Variants in HEPH observed in about 807,000 individuals in gnomAD.
The protein encoded by HEPH is hephaestin.
Under a neutral mutation model 80.8 loss-of-function variants are expected in HEPH, and 69 were observed. The ratio of observed to expected loss-of-function variants is 0.85; its 90% CI spans 0.70 to 1.04. HEPH has a LOEUF of 1.04. Ranked by LOEUF, HEPH falls within the 50% of genes least tolerant of loss-of-function variation. The pLI is 0.00. For synonymous variants in HEPH, 431 were observed against 322.8 expected (o/e 1.34, Z -3.60); for missense variants, 1,115 against 891.3 (o/e 1.25, Z -3.20).
intron 15 of HEPH, among the ~76,000 whole-genome samples, chrX:66,223,836 A>C (rs2089760189): frequency 9.0e-6 from 1 of 111,719 alleles, no homozygotes; most frequent in African/African-American, 3.2e-5. Flanking sequence ...TTGCACATAA[A>C]CTTTTTTTTT....
intron 20 of HEPH, among the ~76,000 whole-genome samples, chrX:66,263,912 G>A (rs1434930358): frequency 1.8e-5 from 2 of 110,783 alleles, no homozygotes; most frequent in Admixed American, 9.7e-5. Context: ...TCCTGAGTTG[G>A]GGAAAACAGC....
In HEPH at chrX:66,258,978, G is replaced by A. The variant is rs774373245; in HGVS notation, c.3035G>A (p.Arg1012Gln). ...TTTCATGCAGAGAGCTTCCTCTATC[G>A]GGTGAGCTGGAAAATGGGCTGAGTC... is the stretch of plus-strand genomic sequence containing the variant. The part of the protein sequence containing the change: ...IHFHAESFLY[R>Q]NGENYRADVV... Residue 1012 changes from arginine to glutamine, a missense_variant and splice_region_variant, in exon 18 of 21, where the codon CGG becomes CAG. Arg to Gln is a conservative substitution (Grantham distance 43). Coordinates refer to ENST00000343002, the MANE Select transcript of HEPH (RefSeq NM_001367233.3). The A allele has an allele frequency of 1.8e-5, 21 of 1,195,383 alleles. No individual in the cohort carries two copies. The South Asian group carries it at 3.0e-4, about 17-fold the overall frequency.
intron 3 of HEPH, among the ~76,000 whole-genome samples, chrX:66,172,857 C>T (rs1233048727): frequency 8.9e-6 from 1 of 111,922 alleles, no homozygotes; most frequent in African/African-American, 3.3e-5. Context: ...CAGTCTACCT[C>T]TTAACACAAG....
At chrX:66,181,960 C>A (rs1373763225) in intron 4 of HEPH, among the ~76,000 whole-genome samples, 1 of 110,585 alleles carries the variant, frequency 9.0e-6, no homozygotes, top group Non-Finnish European at 1.9e-5. Context: ...ATAGGGAATC[C>A]TTTTCCCATT....
At chrX:66,208,819 C>T (rs2088957380) in intron 15 of HEPH, among the ~76,000 whole-genome samples, 1 of 106,028 alleles carries the variant, frequency 9.4e-6, no homozygotes, top group Non-Finnish European at 1.9e-5. Context: ...CTCTATATAC[C>T]CTTGGATACA....
chrX:66,213,271 G>A (rs1220239187), intron 15 of HEPH, among the ~76,000 whole-genome samples: 1 of 108,328 alleles, frequency 9.2e-6, no homozygotes, highest in African/African-American at 3.4e-5. Flanking sequence ...ACCTATGAGT[G>A]AGAATATGCG....
intron 12 of HEPH, 111 bp downstream of exon 12, chrX:66,200,863 T>C (rs2088404730): frequency 1.7e-6 from 1 of 575,256 alleles, no homozygotes; most frequent in Admixed American, 3.9e-5. Flanking sequence ...TTAAGGGTTC[T>C]AGGAAGTTTT....
At chrX:66,205,842 G>A (rs922633806) in intron 13 of HEPH, among the ~76,000 whole-genome samples, 2 of 110,678 alleles carry the variant, frequency 1.8e-5, no homozygotes, top group African/African-American at 3.3e-5. Context: ...GTGACTTCCC[G>A]TCTCTGAACC....
intron 2 of HEPH, 58 bp downstream of exon 2, chrX:66,170,795 G>T (rs1602192095): frequency 9.6e-7 from 1 of 1,045,928 alleles, no homozygotes; most frequent in East Asian, 3.2e-5. Context: ...CTTGAGGTCA[G>T]GAAGTAGCCT....
chrX:66,188,618 A>G (rs1044516326), intron 5 of HEPH, 77 bp downstream of exon 5: 3 of 853,796 alleles, frequency 3.5e-6, no homozygotes, highest in Non-Finnish European at 5.0e-6. Flanking sequence ...TATTTGGTGG[A>G]TGCTTTCACA....
Position 66,208,122 on chromosome X carries a change from T to C in HEPH, c.2439T>C (p.Leu813=). The change falls in exon 15 of 21, where the codon CTT becomes CTC. Residue 813 remains leucine (L), a synonymous_variant. Transcript: ENST00000343002. Reference sequence around the variant, plus strand: ...TATTTTTGTTTACATTAGGTCCACTTATCAAAGGTGAAGTTGGTGATATCC... The same window carrying C: ...TATTTTTGTTTACATTAGGTCCACTCATCAAAGGTGAAGTTGGTGATATCC... ...PEEHLGILGP[L]IKGEVGDILT... 1 of 1,191,438 alleles carries C rather than the reference T, an allele frequency of 8.4e-7. No individual in the cohort carries two copies. The highest frequency in any genetic ancestry group is 1.1e-6 in the Non-Finnish European group (1 of 881,193).
At chrX:66,195,336 C>T in intron 9 of HEPH, 107 bp downstream of exon 9, 1 of 609,135 alleles carries the variant, frequency 1.6e-6, no homozygotes, top group African/African-American at 2.4e-5. Flanking sequence ...GAATTATTTG[C>T]CATATGTGGA....
chrX:66,211,880 G>A (rs1255207230), intron 15 of HEPH, among the ~76,000 whole-genome samples: 2 of 111,587 alleles, frequency 1.8e-5, no homozygotes, highest in African/African-American at 6.5e-5. Flanking sequence ...GGATTGAATA[G>A]TAATTTTTTA....
chrX:66,256,799 G>T (rs185549884), intron 17 of HEPH, among the ~76,000 whole-genome samples: 2 of 112,047 alleles, frequency 1.8e-5, no homozygotes, highest in East Asian at 5.6e-4. Flanking sequence ...CTTTTTAAAA[G>T]AGTTTCAATT....
At chrX:66,227,835 C>T (rs1357513484) in intron 15 of HEPH, among the ~76,000 whole-genome samples, 6 of 110,968 alleles carry the variant, frequency 5.4e-5, no homozygotes, top group Admixed American at 1.9e-4. Flanking sequence ...AATGTGATTC[C>T]TCCAGATTTC....
chrX:66,218,409 A>T (rs773680182), intron 15 of HEPH, among the ~76,000 whole-genome samples: 2 of 111,998 alleles, frequency 1.8e-5, no homozygotes, highest in Non-Finnish European at 3.8e-5. Context: ...AACCACTCAA[A>T]TACCTAGATA....
Position 66,172,552 on chromosome X carries a change from C to T in HEPH, c.365C>T (p.Pro122Leu), listed in dbSNP as rs983138247. ...LIHLKNFATR[P>L]YTIHPHGVFY... ...CACCTGAAGAATTTTGCCACTCGTC[C>T]CTATACCATCCACCCTCATGGTGTC... is the stretch of plus-strand genomic sequence containing the variant. The change falls in exon 3 of 21, where the codon CCC becomes CTC. Residue 122 changes from proline to leucine, a missense_variant. Physicochemically the swap from Pro to Leu is moderately conservative, Grantham distance 98. This residue lies in a region of HEPH where 391 missense variants were observed against 343.6 expected (regional missense o/e 1.14). Transcript: ENST00000343002. The T allele has an allele frequency of 3.3e-6, 4 of 1,199,289 alleles. No individual in the cohort carries two copies. The highest frequency in any genetic ancestry group is 4.5e-6 in the Non-Finnish European group (4 of 889,366).
At chrX:66,208,329 T>C in intron 15 of HEPH, 83 bp downstream of exon 15, 1 of 959,040 alleles carries the variant, frequency 1.0e-6, no homozygotes, top group Non-Finnish European at 1.4e-6. Flanking sequence ...AAAAAATTAA[T>C]GTACTTCAGA....
chrX:66,190,196 T>A (rs2087716459), intron 6 of HEPH, among the ~76,000 whole-genome samples: 1 of 109,842 alleles, frequency 9.1e-6, no homozygotes, highest in African/African-American at 3.3e-5. Context: ...TGGGGATGGA[T>A]AAGTAGACTT....
Sources: allele counts gnomAD v4.1 joint callset (sites outside exome capture counted in the v4.1 genomes callset), GRCh38; gene constraint gnomAD v4.1.1; regional missense constraint gnomAD v4.1.1; transcripts MANE v1.5; gene names NCBI Gene and HGNC (gene_info 2026-07-23, HGNC 2026-07-21).